CASKIN1: variants seen among roughly 807,000 people sequenced by gnomAD.
CASKIN1 encodes the protein CASK interacting protein 1, also known as caskin-1.
CASKIN1 carries 42 observed loss-of-function variants against 117.5 expected under a neutral mutation model. That is an observed-to-expected ratio of 0.36 (90% CI 0.28 to 0.46). The LOEUF (loss-of-function observed/expected upper bound fraction) is 0.46, where lower values mean the gene tolerates loss of function less well. CASKIN1 is among the 20% of genes least tolerant of loss of function. The pLI is 1.00. For missense variants in CASKIN1, 2,083 were observed against 2,077.3 expected, an observed-to-expected ratio of 1.00 and a Z score of -0.05; for synonymous variants, 1,148 against 961.7, an observed-to-expected ratio of 1.19 and a Z score of -3.59.
At chr16:2,178,814 C>A (rs2093154863) in intron 19 of CASKIN1, 88 bp downstream of exon 19, 1 of 1,328,308 alleles carries the variant, frequency 7.5e-7, no homozygotes, top group Admixed American at 3.7e-5. Flanking sequence ...CCCCGCCCAT[C>A]TCTGCCGAGC....
intron 1 of CASKIN1, among the ~76,000 whole-genome samples, chr16:2,192,095 C>A (rs1183150454): frequency 6.6e-6 from 1 of 152,042 alleles, no homozygotes; most frequent in Non-Finnish European, 1.5e-5. Context: ...AGTTCAAGAC[C>A]AGCCTGGCCA....
intron 10 of CASKIN1, 150 bp downstream of exon 10, chr16:2,186,557 C>T (rs987121323): frequency 4.0e-5 from 26 of 643,322 alleles, no homozygotes; most frequent in South Asian, 1.9e-4. Flanking sequence ...AGGAGACGGC[C>T]GCTGGGGCAC....
Position 2,178,521 on chromosome 16 carries a change from C to T in CASKIN1, c.*29G>A, listed in dbSNP as rs1271033111. The T allele has an allele frequency of 3.9e-6, 6 of 1,531,138 alleles. No homozygotes were observed. Among genetic ancestry groups the T allele is most frequent in the Admixed American group, 1.9e-5 (1 of 53,334 alleles). 94.8% of individuals were successfully genotyped at this position (1,531,138 alleles called of 1,614,324 possible). A position where few individuals can be genotyped will look rare whatever the true frequency, so the allele number is the denominator to read the frequency against. On this transcript the variant is annotated 3_prime_UTR_variant, in exon 20 of 20. Coordinates refer to ENST00000343516, the MANE Select transcript of CASKIN1 (RefSeq NM_020764.4). ...GGTCAGTGTGCGGGGAGGGCCCGGG[C>T]GGCGCGGGAGGGCCCGGCCAGGCGG...
At position 2,189,337 on chromosome 16, in the gene CASKIN1, G is replaced by T. The variant is rs543848711; in HGVS notation, c.391-4C>A. ...GGTGCTGTAGCAGCATCTCAGACTG[G>T]GGGCCAAGGGCGCAGTCAGGTCCGC... On this transcript the variant is annotated splice_polypyrimidine_tract_variant and splice_region_variant and intron_variant, in intron 4 of 19. Coordinates refer to ENST00000343516, the MANE Select transcript of CASKIN1 (RefSeq NM_020764.4). 2 of 1,612,860 alleles carry T rather than the reference G, an allele frequency of 1.2e-6. No individual in the cohort carries two copies. Among genetic ancestry groups the T allele is most frequent in the Non-Finnish European group, 1.7e-6 (2 of 1,179,876 alleles).
intron 17 of CASKIN1, 89 bp downstream of exon 17, chr16:2,181,702 G>A: frequency 2.7e-6 from 4 of 1,492,170 alleles, no homozygotes; most frequent in African/African-American, 1.4e-5. Context: ...GCTTGGGGCT[G>A]GGGCGGGGCT....
intron 17 of CASKIN1, 84 bp downstream of exon 17, chr16:2,181,689 CCAGCTTGGGGCTGGGGCG>C (rs1216555691): frequency 1.4e-6 from 2 of 1,451,106 alleles, no homozygotes; most frequent in Non-Finnish European, 1.8e-6. Context: ...GGCTTGGGGC[CCAGCTTGGGGCTGGGGCG>C]GGGCTGGGGC....
chr16:2,180,864 A>G lies in CASKIN1; in HGVS notation c.2504T>C (p.Val835Ala). ...CTCGCCCTCCACGGGCTGGGGCAGC[A>G]CGTAGGCAAAGCCGCGGTGCGTCGG... ...QSPTHRGFAY[V>A]LPQPVEGEVG... Residue 835 changes from valine (V) to alanine (A), a missense_variant, in exon 18 of 20, where the codon GTG becomes GCG. Val to Ala is a moderately conservative substitution (Grantham distance 64, BLOSUM62 0). Transcript: ENST00000343516. 7.1e-7 allele frequency: 1 copy of G among 1,414,170 alleles called. No homozygotes were observed. Among genetic ancestry groups the G allele is most frequent in the Non-Finnish European group, 9.2e-7 (1 of 1,091,656 alleles). 87.6% of individuals were successfully genotyped at this position (1,414,170 alleles called of 1,614,324 possible).
At chr16:2,193,025 T>C (rs961805222) in intron 1 of CASKIN1, among the ~76,000 whole-genome samples, 2 of 152,230 alleles carry the variant, frequency 1.3e-5, no homozygotes, top group Admixed American at 1.3e-4. Flanking sequence ...CTTTTTCTTT[T>C]TTTTTATTGG....
Position 2,179,337 on chromosome 16 carries a change from A to G in CASKIN1, c.3776-12T>C. Reference sequence around the variant, plus strand: ...GGCGCGCTTCACCTCTGCGGGGAGGACCACGCTGGCACCGAGCGGGCACGA... The same window carrying G: ...GGCGCGCTTCACCTCTGCGGGGAGGGCCACGCTGGCACCGAGCGGGCACGA... On this transcript the variant is annotated splice_polypyrimidine_tract_variant and intron_variant, in intron 18 of 19. Coordinates refer to ENST00000343516, the MANE Select transcript of CASKIN1 (RefSeq NM_020764.4). The surrounding 1 kb of genome is among the most constrained non-coding windows in gnomAD (Gnocchi z 5.8). 7.8e-7 allele frequency: 1 copy of G among 1,284,944 alleles called. No homozygotes were observed. Among genetic ancestry groups the G allele is most frequent in the Non-Finnish European group, 9.8e-7 (1 of 1,020,302 alleles). 79.6% of individuals were successfully genotyped at this position (1,284,944 alleles called of 1,614,324 possible).
Position 2,180,553 on chromosome 16 carries a change from G to C in CASKIN1, c.2815C>G (p.Arg939Gly), listed in dbSNP as rs549706226. Residue 939 changes from arginine to glycine, a missense_variant, in exon 18 of 20, where the codon CGG becomes GGG. Around this residue, in one of 3 missense-constraint regions of CASKIN1, gnomAD observed 1,818 missense variants for 1,688.9 expected, o/e 1.08. Transcript: ENST00000343516. ...GGCGGGGGCCCCTTCTTTCGGGGCC[G>C]CACGGCAAAGGACTGGCTGCGGTTG... ...NVNRSQSFAV[R>G]PRKKGPPPPP... is the part of the protein sequence containing the mutation. The C allele has an allele frequency of 1.3e-6, 2 of 1,549,376 alleles. No homozygotes were observed. Among genetic ancestry groups the C allele is most frequent in the Non-Finnish European group, 1.7e-6 (2 of 1,154,002 alleles).
intron 14 of CASKIN1, among the ~76,000 whole-genome samples, chr16:2,184,478 C>G (rs1567260601): frequency 6.6e-6 from 1 of 152,194 alleles, no homozygotes. Context: ...TCATACCCAT[C>G]CCCTTCCACC....
chr16:2,181,714 G>C, intron 17 of CASKIN1, 77 bp downstream of exon 17: 1 of 1,532,896 alleles, frequency 6.5e-7, no homozygotes, highest in South Asian at 1.2e-5. Context: ...GGCGGGGCTG[G>C]GGCTGGGCTG....
intron 2 of CASKIN1, 36 bp from the exon 3 acceptor site, chr16:2,190,206 T>A (rs748198665): frequency 6.2e-7 from 1 of 1,608,652 alleles, no homozygotes; most frequent in Admixed American, 1.7e-5. Context: ...GCAGAGGCCC[T>A]GGCGCCCCGG....
chr16:2,184,337 G>T (rs2093177237), intron 14 of CASKIN1, among the ~76,000 whole-genome samples: 1 of 152,124 alleles, frequency 6.6e-6, no homozygotes, highest in Non-Finnish European at 1.5e-5. Context: ...ACCGGAAGGT[G>T]GGCTCTGTGC....
chr16:2,179,738 TG>T lies in CASKIN1; in HGVS notation c.3629del (p.Pro1210HisfsTer23). 1 of 1,434,698 alleles carries T rather than the reference TG, an allele frequency of 7.0e-7. No individual in the cohort carries two copies. The allele number at this position is 1,434,698 out of a possible 1,614,324, so 88.9% of individuals were successfully genotyped here. A position where few individuals can be genotyped will look rare whatever the true frequency, so the allele number is the denominator to read the frequency against. ...PPPTDLAHLP[P>X]LPPPEGEARK... ...GGGCTTCGCCCTCGGGCGGGGGCAA[TG>T]GGGGTAGGTGCGCCAGGTCGGTGGG... On this transcript the variant is annotated frameshift_variant, in exon 18 of 20. Transcript: ENST00000343516. LOFTEE classifies it high-confidence loss of function. This position sits in a 1 kb window ranked among gnomAD's most constrained non-coding sequence, Gnocchi z 5.8.
intron 1 of CASKIN1, among the ~76,000 whole-genome samples, chr16:2,194,614 C>T (rs896920016): frequency 9.2e-5 from 14 of 152,208 alleles, no homozygotes; most frequent in Admixed American, 7.8e-4. Flanking sequence ...AGCAGGCCAG[C>T]GTTGCCATGA....
At chr16:2,178,684 C>CG (rs1567256650) in intron 19 of CASKIN1, 38 bp from the exon 20 acceptor site, 7 of 1,524,154 alleles carry the variant, frequency 4.6e-6, no homozygotes, top group Middle Eastern at 2.3e-4. Flanking sequence ...GTGGGCGGGG[C>CG]GGGTCTGGCC....
At position 2,181,035 on chromosome 16, in the gene CASKIN1, T is replaced by TG; in HGVS notation, c.2332dup (p.Gln778ProfsTer91). 9 of 1,484,802 alleles carry TG rather than the reference T, an allele frequency of 6.1e-6. No homozygotes were observed. Among genetic ancestry groups the TG allele is most frequent in the Admixed American group, 2.6e-5 (1 of 38,656 alleles). The allele number at this position is 1,484,802 out of a possible 1,614,324, so 92.0% of individuals were successfully genotyped here. On this transcript the variant is annotated frameshift_variant, in exon 18 of 20. Transcript: ENST00000343516. LOFTEE classifies it high-confidence loss of function. ...GCCTGGTCGGGTTTTGGTGGGCGTC[T>TG]GGGGGGGCGTGAAGTGGCTAGTGCC...
rs1377896673 is a variant in CASKIN1 at position 2,182,085 on chromosome 16, CAGAGCCTCGGCT to C, written c.1630-168_1630-157del. On this transcript the variant is annotated intron_variant, in intron 16 of 19. Transcript: ENST00000343516. The surrounding 1 kb of genome is among the most constrained non-coding windows in gnomAD (Gnocchi z 4.1). ...GAGGTATTGGCACCAGAAATGTAGG[CAGAGCCTCGGCT>C]CAGGCACCGGACACTGCATGCCGCA... Among the ~76,000 whole-genome samples the C allele has an allele frequency of 6.6e-6, 1 of 152,194 alleles. No individual in the cohort carries two copies. Among genetic ancestry groups the C allele is most frequent in the African/African-American group, 2.4e-5 (1 of 41,444 alleles).
Sources: allele counts gnomAD v4.1 joint callset (sites outside exome capture counted in the v4.1 genomes callset), GRCh38; gene constraint gnomAD v4.1.1; regional missense constraint gnomAD v4.1.1; non-coding constraint Gnocchi (gnomAD v3.1); transcripts MANE v1.5; gene names NCBI Gene and HGNC (gene_info 2026-07-23, HGNC 2026-07-21).